Variants in CATSPERE observed in about 807,000 individuals in gnomAD.
CATSPERE encodes the protein catsper channel auxiliary subunit epsilon.
A neutral mutation model predicts 114.1 loss-of-function variants in CATSPERE; 93 were observed. The observed-to-expected ratio is 0.81, with a 90% CI of 0.69 to 0.97. The LOEUF (loss-of-function observed/expected upper bound fraction) is 0.97, where lower values mean the gene tolerates loss of function less well. CATSPERE is among the 50% of genes least tolerant of loss of function. CATSPERE has a pLI of 0.00. For missense variants in CATSPERE, 1,058 were observed against 1,131.6 expected (o/e 0.93, Z 0.93); for synonymous variants, 341 against 384.1 (o/e 0.89, Z 1.31).
chr1:244,484,905 G>C (rs1260120610), intron 5 of CATSPERE, among the ~76,000 whole-genome samples: 1 of 151,968 alleles, frequency 6.6e-6, no homozygotes, highest in Non-Finnish European at 1.5e-5. Context: ...CATTTCTCTG[G>C]GAATATGATT....
chr1:244,469,537 A>G (rs963899858), intron 2 of CATSPERE, among the ~76,000 whole-genome samples: 1 of 152,216 alleles, frequency 6.6e-6, no homozygotes, highest in East Asian at 1.9e-4. Flanking sequence ...CAGGGCAATA[A>G]TGCAAGAAAA....
intron 17 of CATSPERE, among the ~76,000 whole-genome samples, chr1:244,603,956 G>A (rs780941427): frequency 7.2e-5 from 11 of 152,170 alleles, no homozygotes; most frequent in Non-Finnish European, 1.2e-4. Context: ...TTGTGCCACT[G>A]CACTCCAGCC....
chr1:244,475,831 G>A (rs779854532), intron 2 of CATSPERE, among the ~76,000 whole-genome samples: 1 of 151,988 alleles, frequency 6.6e-6, no homozygotes, highest in Non-Finnish European at 1.5e-5. Flanking sequence ...CACCACACCC[G>A]GCCATACCAC....
chr1:244,479,593 C>T (rs545031171), intron 4 of CATSPERE, 124 bp from the exon 5 acceptor site: 1 of 443,716 alleles, frequency 2.3e-6, no homozygotes, highest in East Asian at 3.5e-5. Flanking sequence ...CTATTCTGAA[C>T]TTTATTCTGC....
At chr1:244,512,549 C>A (rs1326799918) in intron 7 of CATSPERE, among the ~76,000 whole-genome samples, 1 of 151,582 alleles carries the variant, frequency 6.6e-6, no homozygotes, top group African/African-American at 2.4e-5. Flanking sequence ...TTTTTCAATT[C>A]CTTTTCAGAC....
At chr1:244,547,039 T>C (rs1001965460) in intron 8 of CATSPERE, among the ~76,000 whole-genome samples, 3 of 152,070 alleles carry the variant, frequency 2.0e-5, no homozygotes, top group African/African-American at 7.2e-5. Context: ...TGTAATCAAA[T>C]TGTCAAAGAT....
At chr1:244,476,216 G>T (rs958954321) in intron 2 of CATSPERE, among the ~76,000 whole-genome samples, 1 of 152,088 alleles carries the variant, frequency 6.6e-6, no homozygotes, top group Admixed American at 6.6e-5. Context: ...GAGGTAGGAG[G>T]ACTGCTTGAG....
intron 6 of CATSPERE, among the ~76,000 whole-genome samples, chr1:244,490,862 TATA>T (rs1671991492): frequency 6.6e-6 from 1 of 152,158 alleles, no homozygotes; most frequent in African/African-American, 2.4e-5. Context: ...TTAATTAACA[TATA>T]ATAAATTTAC....
chr1:244,471,333 T>TTA (rs923807379), intron 2 of CATSPERE, among the ~76,000 whole-genome samples: 3 of 152,224 alleles, frequency 2.0e-5, no homozygotes, highest in Non-Finnish European at 4.4e-5. Context: ...CAGATAAGGT[T>TTA]TATACATTAT....
chr1:244,510,829 C>CTTTTTT (rs1675594007), intron 7 of CATSPERE, among the ~76,000 whole-genome samples: 2 of 86,164 alleles, frequency 2.3e-5, no homozygotes, highest in Admixed American at 1.2e-4. Flanking sequence ...TTTTCTTTTT[C>CTTTTTT]TTTTTCTTTT....
chr1:244,620,803 A>G (rs1671990775), intron 20 of CATSPERE, among the ~76,000 whole-genome samples: 1 of 151,136 alleles, frequency 6.6e-6, no homozygotes, highest in South Asian at 2.1e-4. Flanking sequence ...GGAGTTCTCT[A>G]AAGACACTCT....
chr1:244,551,562 TAA>T (rs1156367538), intron 8 of CATSPERE, among the ~76,000 whole-genome samples: 1 of 152,070 alleles, frequency 6.6e-6, no homozygotes, highest in African/African-American at 2.4e-5. Context: ...AAAGTTAATA[TAA>T]CTAATTTGAG....
At chr1:244,451,598 C>A, upstream of CATSPERE, 2 of 1,574,472 alleles carry the variant, frequency 1.3e-6, no homozygotes, top group Non-Finnish European at 1.7e-6. The surrounding 1 kb of genome is among the most constrained non-coding windows in gnomAD (Gnocchi z 6.6). Context: ...CCCGAGCTCC[C>A]GGGCCCGGCT....
At chr1:244,466,010 T>C (rs1257607428) in intron 2 of CATSPERE, among the ~76,000 whole-genome samples, 3 of 152,228 alleles carry the variant, frequency 2.0e-5, no homozygotes, top group Non-Finnish European at 4.4e-5. Flanking sequence ...CCTAATTTAT[T>C]GAATATGGTA....
intron 7 of CATSPERE, among the ~76,000 whole-genome samples, chr1:244,509,815 G>A (rs959678644): frequency 1.3e-5 from 2 of 152,128 alleles, no homozygotes; most frequent in Admixed American, 6.5e-5. Flanking sequence ...TAGATTTTAC[G>A]TGTCCAGGAA....
intron 2 of CATSPERE, among the ~76,000 whole-genome samples, chr1:244,468,989 G>A (rs1668038421): frequency 1.3e-5 from 2 of 152,158 alleles, no homozygotes; most frequent in South Asian, 4.1e-4. Flanking sequence ...TTGATGAAAA[G>A]CATGTCTAAA....
rs564306462 is a variant in CATSPERE at position 244,631,034 on chromosome 1, C to T, written c.2649-4455C>T. On this transcript the variant is annotated intron_variant, in intron 20 of 21. Coordinates refer to ENST00000366534, the MANE Select transcript of CATSPERE (RefSeq NM_001130957.2). ...TCTGCAGTTATTTTTCTGTGTAACC[C>T]TTCCTCTCCTGAGTTTGACTTTCAT... Among the ~76,000 whole-genome samples, 15 of 152,198 alleles carry T rather than the reference C, an allele frequency of 9.9e-5. No individual in the cohort carries two copies. In the East Asian group the frequency reaches 1.3e-3, roughly 14 times the overall value.
upstream of CATSPERE, chr1:244,451,845 A>G (rs1665627075): frequency 6.5e-7 from 1 of 1,541,020 alleles, no homozygotes; most frequent in Non-Finnish European, 8.7e-7. The surrounding 1 kb of genome is among the most constrained non-coding windows in gnomAD (Gnocchi z 6.6). Flanking sequence ...GAGAGCCCGA[A>G]GGAGAGGCGG....
intron 18 of CATSPERE, among the ~76,000 whole-genome samples, chr1:244,609,962 A>T (rs1352418384): frequency 6.6e-6 from 1 of 152,176 alleles, no homozygotes; most frequent in Non-Finnish European, 1.5e-5. Context: ...CAGGAGGATC[A>T]CTTGAGCCCA....
Sources: gnomAD v4.1 joint callset for allele counts (sites outside exome capture counted in the v4.1 genomes callset) on GRCh38, gnomAD v4.1.1 for gene constraint, Gnocchi (gnomAD v3.1) non-coding constraint, MANE v1.5 for transcripts, NCBI Gene and HGNC (gene_info 2026-07-23, HGNC 2026-07-21) for gene names.